The following KDM4C variants were observed in gnomAD, a reference collection of about 807,000 sequenced individuals.
The protein encoded by KDM4C is lysine demethylase 4C, also known as lysine-specific demethylase 4C.
In KDM4C, 81 loss-of-function variants were observed where a neutral mutation model predicts 129.3. The ratio of observed to expected loss-of-function variants is 0.63; its 90% CI spans 0.52 to 0.75. KDM4C has a LOEUF of 0.75. KDM4C is among the 30% of genes least tolerant of loss of function. The probability of loss-of-function intolerance (pLI) is 0.00; values close to 1 mark genes in which losing one functional copy is unlikely to be tolerated. For synonymous variants in KDM4C, 573 were observed against 456.1 expected (o/e 1.26, Z -3.26); for missense variants, 1,457 against 1,304.0 (o/e 1.12, Z -1.81).
At chr9:6,799,504 A>G (rs921022349) in intron 2 of KDM4C, among the ~76,000 whole-genome samples, 1 of 151,074 alleles carries the variant, frequency 6.6e-6, no homozygotes, top group East Asian at 1.9e-4. Context: ...CAGTGAGCCA[A>G]GATGGCAGCA....
chr9:6,728,345 C>T (rs950402691), intron 1 of KDM4C, among the ~76,000 whole-genome samples: 1 of 151,698 alleles, frequency 6.6e-6, no homozygotes. Context: ...ACCAGCCTGG[C>T]CAACATGGTG....
chr9:7,068,686 C>CTTTTTTTTTTTT (rs542039227), intron 17 of KDM4C, among the ~76,000 whole-genome samples: 41 of 101,748 alleles, frequency 4.0e-4, no homozygotes, highest in African/African-American at 1.4e-3. Context: ...GATGCCCTTT[C>CTTTTTTTTTTTT]TTTTTTTTTT....
chr9:6,965,796 C>G (rs1057148400), intron 8 of KDM4C, among the ~76,000 whole-genome samples: 1 of 152,196 alleles, frequency 6.6e-6, no homozygotes, highest in Non-Finnish European at 1.5e-5. Context: ...ATCTGCTTTA[C>G]TCACTCTACT....
chr9:6,833,493 C>G (rs1023930685), intron 4 of KDM4C, among the ~76,000 whole-genome samples: 2 of 152,132 alleles, frequency 1.3e-5, no homozygotes, highest in African/African-American at 4.8e-5. Context: ...AACAATAGAG[C>G]CAGCATGGGT....
intron 1 of KDM4C, among the ~76,000 whole-genome samples, chr9:6,734,027 C>G (rs2130229128): frequency 6.6e-6 from 1 of 152,234 alleles, no homozygotes; most frequent in Middle Eastern, 3.4e-3. Context: ...CTTGTGCTGA[C>G]CTCCTATGTC....
chr9:7,106,061 T>A (rs1361320427), intron 18 of KDM4C, among the ~76,000 whole-genome samples: 1 of 152,242 alleles, frequency 6.6e-6, no homozygotes, highest in East Asian at 1.9e-4. Flanking sequence ...GGAAGCACTG[T>A]TAGCACTGTA....
At chr9:6,940,543 A>G (rs967385526) in intron 8 of KDM4C, among the ~76,000 whole-genome samples, 4 of 152,222 alleles carry the variant, frequency 2.6e-5, no homozygotes, top group Non-Finnish European at 4.4e-5. Context: ...TGCTACTTGA[A>G]TATTAAAAAT....
intron 8 of KDM4C, among the ~76,000 whole-genome samples, chr9:6,930,320 G>C (rs1018009357): frequency 6.6e-6 from 1 of 152,098 alleles, no homozygotes; most frequent in Admixed American, 6.5e-5. Context: ...GTCAACATGA[G>C]TTGTTTCTGT....
intron 1 of KDM4C, among the ~76,000 whole-genome samples, chr9:6,725,701 CTTTTCTTTTCT>C (rs1386380344): frequency 5.4e-4 from 70 of 130,448 alleles, no homozygotes; most frequent in Middle Eastern, 4.2e-3. Context: ...CTTTTCTTTT[CTTTTCTTTTCT>C]TTTTTTTTTT....
intron 2 of KDM4C, among the ~76,000 whole-genome samples, chr9:6,796,599 C>A (rs868192717): frequency 6.6e-6 from 1 of 152,154 alleles, no homozygotes; most frequent in African/African-American, 2.4e-5. Flanking sequence ...ACACCTGCGT[C>A]GCTGTCTGCA....
intron 16 of KDM4C, among the ~76,000 whole-genome samples, chr9:7,048,412 A>C (rs1829709860): frequency 6.6e-6 from 1 of 152,040 alleles, no homozygotes. Flanking sequence ...ATCTCTTCAA[A>C]CCTCATGATT....
At chr9:7,087,234 A>G (rs1174444330) in intron 17 of KDM4C, among the ~76,000 whole-genome samples, 3 of 151,952 alleles carry the variant, frequency 2.0e-5, no homozygotes, top group African/African-American at 7.3e-5. Context: ...CATTACTGCA[A>G]CAAAACCCCT....
intron 8 of KDM4C, among the ~76,000 whole-genome samples, chr9:6,950,220 T>A (rs769189739): frequency 6.6e-6 from 1 of 152,214 alleles, no homozygotes; most frequent in Non-Finnish European, 1.5e-5. Context: ...GTCTTGAACC[T>A]TAAATTCTCC....
At chr9:6,751,114 A>G (rs982333731) in intron 1 of KDM4C, among the ~76,000 whole-genome samples, 4 of 152,216 alleles carry the variant, frequency 2.6e-5, no homozygotes, top group African/African-American at 7.2e-5. Context: ...GTCATATCAC[A>G]TCACTTCTGT....
chr9:7,071,840 T>G (rs1833239154), intron 17 of KDM4C, among the ~76,000 whole-genome samples: 1 of 152,176 alleles, frequency 6.6e-6, no homozygotes, highest in Non-Finnish European at 1.5e-5. Flanking sequence ...CATACCACCC[T>G]GAACACACCT....
intron 1 of KDM4C, among the ~76,000 whole-genome samples, chr9:6,734,437 G>A (rs1392199580): frequency 6.6e-6 from 1 of 151,950 alleles, no homozygotes; most frequent in African/African-American, 2.4e-5. Flanking sequence ...TGGGATTACA[G>A]GCATGCGCCA....
intron 4 of KDM4C, among the ~76,000 whole-genome samples, chr9:6,839,740 A>G (rs1405567317): frequency 6.6e-6 from 1 of 151,942 alleles, no homozygotes. Context: ...GTCTCTACTA[A>G]AACAAATAAA....
chr9:7,068,686 CTT>C (rs542039227), intron 17 of KDM4C, among the ~76,000 whole-genome samples: 6 of 101,766 alleles, frequency 5.9e-5, no homozygotes, highest in African/African-American at 2.3e-4. Context: ...GATGCCCTTT[CTT>C]TTTTTTTTTT....
chr9:7,022,121 A>G (rs535098241), intron 15 of KDM4C, among the ~76,000 whole-genome samples: 1 of 152,166 alleles, frequency 6.6e-6, no homozygotes, highest in Admixed American at 6.5e-5. Context: ...TGCTTAGGAT[A>G]GTTTTGGCTG....
Sources: gnomAD v4.1 joint callset for allele counts (sites outside exome capture counted in the v4.1 genomes callset) on GRCh38, gnomAD v4.1.1 for gene constraint, MANE v1.5 for transcripts, NCBI Gene and HGNC (gene_info 2026-07-23, HGNC 2026-07-21) for gene names.